MACROD2: variants seen among roughly 807,000 people sequenced by gnomAD.
MACROD2 encodes the protein ADP-ribose glycohydrolase MACROD2.
In MACROD2, 36 loss-of-function variants were observed where a neutral mutation model predicts 70.4. The ratio of observed to expected loss-of-function variants is 0.51; its 90% CI spans 0.39 to 0.68. The LOEUF (loss-of-function observed/expected upper bound fraction) is 0.68, where lower values mean the gene tolerates loss of function less well. Among genes scored for constraint, MACROD2 ranks in the 30% least tolerant of loss-of-function variants. MACROD2 has a pLI of 0.00. For missense variants in MACROD2, 496 were observed against 538.4 expected, an observed-to-expected ratio of 0.92 and a Z score of 0.78; for synonymous variants, 172 against 178.8, an observed-to-expected ratio of 0.96 and a Z score of 0.30.
chr20:15,963,091 G>T (rs534806745), intron 12 of MACROD2, among the ~76,000 whole-genome samples: 1 of 152,310 alleles, frequency 6.6e-6, no homozygotes, highest in African/African-American at 2.4e-5. Flanking sequence ...ATAAGCCAGA[G>T]ATTCTATAGA....
intron 3 of MACROD2, among the ~76,000 whole-genome samples, chr20:14,422,049 A>G (rs1351523738): frequency 1.3e-5 from 2 of 152,056 alleles, no homozygotes; most frequent in African/African-American, 2.4e-5. Context: ...TCTTCCTTCA[A>G]TTCTAGGAAT....
chr20:15,946,292 C>A (rs924471712), intron 12 of MACROD2, among the ~76,000 whole-genome samples: 4 of 152,138 alleles, frequency 2.6e-5, no homozygotes, highest in Non-Finnish European at 5.9e-5. Context: ...GATCATTTTT[C>A]AGAGTCACTC....
At chr20:15,929,467 T>C (rs917815328) in intron 10 of MACROD2, among the ~76,000 whole-genome samples, 1 of 152,086 alleles carries the variant, frequency 6.6e-6, no homozygotes, top group Non-Finnish European at 1.5e-5. Flanking sequence ...CACAATCTTA[T>C]TATAGGGGAC....
intron 15 of MACROD2, among the ~76,000 whole-genome samples, chr20:15,989,388 G>A (rs1435248350): frequency 1.3e-5 from 2 of 152,104 alleles, no homozygotes; most frequent in South Asian, 2.1e-4. Context: ...ATTCTAAAGA[G>A]ATAAAACAAC....
At chr20:14,216,893 T>A (rs984362320) in intron 3 of MACROD2, among the ~76,000 whole-genome samples, 1 of 152,212 alleles carries the variant, frequency 6.6e-6, no homozygotes, top group Non-Finnish European at 1.5e-5. Flanking sequence ...TTTTATCAGT[T>A]CTAAGAGCTT....
intron 2 of MACROD2, among the ~76,000 whole-genome samples, chr20:14,061,477 A>C (rs192348997): frequency 6.6e-6 from 1 of 152,166 alleles, no homozygotes; most frequent in African/African-American, 2.4e-5. Context: ...ATGGTTTCAC[A>C]TATCAGTACT....
intron 10 of MACROD2, among the ~76,000 whole-genome samples, chr20:15,886,754 A>G (rs758214501): frequency 2.3e-4 from 35 of 152,114 alleles, no homozygotes; most frequent in Non-Finnish European, 3.8e-4. Context: ...TCAATTATTG[A>G]CCTTAGGCAA....
At chr20:14,564,206 A>G (rs1979626758) in intron 4 of MACROD2, among the ~76,000 whole-genome samples, 1 of 151,986 alleles carries the variant, frequency 6.6e-6, no homozygotes, top group African/African-American at 2.4e-5. Context: ...AATATGGACC[A>G]AAGACTTAAA....
chr20:15,656,178 A>C (rs765306505), intron 8 of MACROD2, among the ~76,000 whole-genome samples: 3 of 152,200 alleles, frequency 2.0e-5, no homozygotes, highest in Non-Finnish European at 4.4e-5. Context: ...GTATTGAAAC[A>C]TACTATTGGG....
intron 5 of MACROD2, among the ~76,000 whole-genome samples, chr20:15,106,210 A>G (rs1329530698): frequency 6.6e-6 from 1 of 152,178 alleles, no homozygotes; most frequent in East Asian, 1.9e-4. Context: ...CTTGCCAAAC[A>G]CAACTCTTAA....
At chr20:15,182,890 A>T (rs1046158431) in intron 5 of MACROD2, among the ~76,000 whole-genome samples, 1 of 152,224 alleles carries the variant, frequency 6.6e-6, no homozygotes, top group African/African-American at 2.4e-5. Flanking sequence ...ACATGTACAG[A>T]CAGGTACCTG....
chr20:15,698,604 A>G (rs1033657220), intron 8 of MACROD2, among the ~76,000 whole-genome samples: 4 of 152,122 alleles, frequency 2.6e-5, no homozygotes, highest in African/African-American at 7.2e-5. Context: ...TGCTTCTTGT[A>G]TTTGGCTGTC....
chr20:15,209,272 C>T (rs2076740330), intron 5 of MACROD2, among the ~76,000 whole-genome samples: 1 of 152,058 alleles, frequency 6.6e-6, no homozygotes. Context: ...CTGCCTTCTT[C>T]TGTTCACCTT....
At chr20:15,426,322 C>A (rs1281754925) in intron 6 of MACROD2, among the ~76,000 whole-genome samples, 1 of 151,588 alleles carries the variant, frequency 6.6e-6, no homozygotes, top group Admixed American at 6.6e-5. Context: ...AGAAAAAATT[C>A]TCCACTCTTA....
intron 3 of MACROD2, among the ~76,000 whole-genome samples, chr20:14,399,044 G>T (rs1344368136): frequency 2.0e-5 from 3 of 148,534 alleles, no homozygotes; most frequent in Non-Finnish European, 4.5e-5. Context: ...TTTTGAGGTG[G>T]AGTCTCACTC....
chr20:14,609,004 G>A (rs1260319696), intron 4 of MACROD2, among the ~76,000 whole-genome samples: 1 of 152,136 alleles, frequency 6.6e-6, no homozygotes, highest in Non-Finnish European at 1.5e-5. Context: ...TTGAAGGACA[G>A]GGGAACTTGG....
chr20:14,518,366 A>G (rs2085126495), intron 4 of MACROD2, among the ~76,000 whole-genome samples: 1 of 152,148 alleles, frequency 6.6e-6, no homozygotes, highest in South Asian at 2.1e-4. Context: ...TTTACAAATT[A>G]TGTCATTTTT....
intron 6 of MACROD2, among the ~76,000 whole-genome samples, chr20:15,242,465 T>C (rs1369793643): frequency 6.6e-6 from 1 of 152,246 alleles, no homozygotes; most frequent in African/African-American, 2.4e-5. Context: ...AATTTCTGCA[T>C]CTATATTCAT....
intron 3 of MACROD2, among the ~76,000 whole-genome samples, chr20:14,462,906 G>C (rs2084389583): frequency 6.6e-6 from 1 of 151,896 alleles, no homozygotes; most frequent in African/African-American, 2.4e-5. Flanking sequence ...CTCTGTTTTG[G>C]TACCAGTACC....
Sources: gnomAD v4.1 joint callset for allele counts (sites outside exome capture counted in the v4.1 genomes callset) on GRCh38, gnomAD v4.1.1 for gene constraint, MANE v1.5 for transcripts, NCBI Gene and HGNC (gene_info 2026-07-23, HGNC 2026-07-21) for gene names.